The following NELL1 variants were observed in gnomAD, a reference collection of about 807,000 sequenced individuals.
The protein encoded by NELL1 is protein kinase C-binding protein NELL1.
Under a neutral mutation model 107.4 loss-of-function variants are expected in NELL1, and 76 were observed. That is an observed-to-expected ratio of 0.71 (90% CI 0.59 to 0.86). The LOEUF (loss-of-function observed/expected upper bound fraction) is 0.86, where lower values mean the gene tolerates loss of function less well. Among genes scored for constraint, NELL1 ranks in the 40% least tolerant of loss-of-function variants. The pLI is 0.00. For missense variants in NELL1, 1,024 were observed against 1,005.5 expected (o/e 1.02, Z -0.25); for synonymous variants, 353 against 341.2 (o/e 1.03, Z -0.38).
chr11:21,202,459 A>G (rs372909318), intron 13 of NELL1, among the ~76,000 whole-genome samples: 4 of 152,226 alleles, frequency 2.6e-5, no homozygotes, highest in African/African-American at 9.6e-5. Flanking sequence ...TTTCTGTGGG[A>G]TCAGTGGTGA....
rs138119927 is a variant in NELL1 at position 20,822,142 on chromosome 11, G to T, written c.336-25441G>T. Among the ~76,000 whole-genome samples the T allele has an allele frequency of 5.8e-4, 88 of 152,300 alleles. 2 individuals are homozygous for T. In the South Asian group the frequency reaches 0.017, roughly 30 times the overall value. The stretch of plus-strand genomic sequence containing the variant: ...ACTAGCAGTGAAGAGTAGACTGAGG[G>T]TCAGGGGGCATATACGAGAATGACT... On this transcript the variant is annotated intron_variant, in intron 3 of 19. Coordinates refer to ENST00000357134, the MANE Select transcript of NELL1 (RefSeq NM_006157.5).
chr11:21,423,570 C>T (rs539744235), intron 15 of NELL1, among the ~76,000 whole-genome samples: 16 of 152,146 alleles, frequency 1.1e-4, no homozygotes, highest in South Asian at 1.0e-3. Flanking sequence ...AAGGATAATA[C>T]CACCAGAATG....
chr11:21,308,609 T>C (rs4291668), intron 14 of NELL1, among the ~76,000 whole-genome samples: 149,608 of 152,120 alleles, frequency 0.98, 73,617 homozygotes, highest in South Asian at 1. Context: ...TTTGAAGGGA[T>C]GATCAGGATC....
chr11:21,358,469 C>G (rs760880951), intron 14 of NELL1, among the ~76,000 whole-genome samples: 1 of 151,516 alleles, frequency 6.6e-6, no homozygotes, highest in African/African-American at 2.4e-5. Flanking sequence ...GCATGATCTC[C>G]GCTCACTGCA....
intron 14 of NELL1, among the ~76,000 whole-genome samples, chr11:21,318,266 A>G (rs1276603369): frequency 6.6e-6 from 1 of 152,188 alleles, no homozygotes; most frequent in Non-Finnish European, 1.5e-5. Context: ...GTGTGCAGAG[A>G]TAGGACAGTA....
rs566531721 is a variant in NELL1, at chr11:21,350,843, A to G, written c.1550-20010A>G. Among the ~76,000 whole-genome samples the G allele has an allele frequency of 2.6e-5, 4 of 152,174 alleles. No individual in the cohort carries two copies. In the South Asian group the frequency reaches 8.3e-4, roughly 31 times the overall value. On this transcript the variant is annotated intron_variant, in intron 14 of 19. Transcript: ENST00000357134. ...CAACAAAGATTCCCTGGAGGAATAC[A>G]GGAGGGACTCTGTACTGGGTTGAAT...
chr11:21,564,871 T>C (rs776947997), intron 17 of NELL1, among the ~76,000 whole-genome samples: 14 of 151,950 alleles, frequency 9.2e-5, no homozygotes, highest in Non-Finnish European at 1.9e-4. Flanking sequence ...CTGGTTTATG[T>C]AAACCTATTC....
intron 13 of NELL1, among the ~76,000 whole-genome samples, chr11:21,219,927 A>G (rs74967177): frequency 1.3e-5 from 2 of 152,302 alleles, no homozygotes; most frequent in African/African-American, 2.4e-5. Context: ...TTATGGTCAT[A>G]GTGGAAGGTG....
chr11:21,524,116 TGTATA>T (rs908794968), intron 15 of NELL1, among the ~76,000 whole-genome samples: 29 of 152,266 alleles, frequency 1.9e-4, no homozygotes, highest in African/African-American at 6.5e-4. Context: ...TACAAGAGGC[TGTATA>T]GTATAATGAT....
At chr11:21,492,481 G>C (rs1168242231) in intron 15 of NELL1, among the ~76,000 whole-genome samples, 1 of 150,702 alleles carries the variant, frequency 6.6e-6, no homozygotes, top group African/African-American at 2.5e-5. Context: ...CAATAGCAAA[G>C]ACTTGGAACC....
intron 8 of NELL1, among the ~76,000 whole-genome samples, chr11:20,928,151 G>A (rs1259104041): frequency 1.3e-5 from 2 of 152,098 alleles, no homozygotes; most frequent in Non-Finnish European, 2.9e-5. Context: ...AGCACACATG[G>A]GCAGGTAGGA....
Position 21,220,424 on chromosome 11 carries a change from A to C in NELL1, c.1427-8908A>C, listed in dbSNP as rs370454113. ...TCATTGATATTGATATCAACATGTC[A>C]TTAATAGCTATTGCATTGAATCTGT... On this transcript the variant is annotated intron_variant, in intron 13 of 19. Coordinates refer to ENST00000357134, the MANE Select transcript of NELL1 (RefSeq NM_006157.5). 2.3e-4 allele frequency among the ~76,000 whole-genome samples: 35 copies of C among 152,230 alleles called. No individual in the cohort carries two copies. In the East Asian group the frequency reaches 2.9e-3, roughly 13 times the overall value.
At chr11:20,844,352 G>A (rs112223351) in intron 3 of NELL1, among the ~76,000 whole-genome samples, 2 of 152,160 alleles carry the variant, frequency 1.3e-5, no homozygotes, top group East Asian at 1.9e-4. Flanking sequence ...GCTGTTTTCC[G>A]ATATTTGCAG....
chr11:21,216,618 C>T (rs1009213098), intron 13 of NELL1, among the ~76,000 whole-genome samples: 4 of 152,200 alleles, frequency 2.6e-5, no homozygotes, highest in African/African-American at 9.7e-5. Context: ...CATTTTGGAA[C>T]TTAAAGGTTT....
intron 17 of NELL1, 137 bp downstream of exon 17, chr11:21,560,519 A>G (rs1398207013): frequency 2.8e-6 from 2 of 722,652 alleles, no homozygotes; most frequent in Admixed American, 6.5e-5. Context: ...TCTACATTAC[A>G]GCTAATGATG....
intron 12 of NELL1, among the ~76,000 whole-genome samples, chr11:21,023,634 T>C (rs2134305905): frequency 6.6e-6 from 1 of 152,084 alleles, no homozygotes; most frequent in East Asian, 1.9e-4. Flanking sequence ...ACTCCCTACC[T>C]AGAAAACAAC....
chr11:20,920,818 C>T (rs980990694), intron 7 of NELL1, among the ~76,000 whole-genome samples: 2 of 151,966 alleles, frequency 1.3e-5, no homozygotes, highest in Non-Finnish European at 2.9e-5. Flanking sequence ...GCTCTATTCT[C>T]AAAACGTTAT....
intron 5 of NELL1, among the ~76,000 whole-genome samples, chr11:20,889,346 T>G (rs1849571079): frequency 6.6e-6 from 1 of 152,206 alleles, no homozygotes. Flanking sequence ...GTTTTCCAAG[T>G]TTTGAGAGAA....
intron 13 of NELL1, among the ~76,000 whole-genome samples, chr11:21,144,822 C>T (rs1055805132): frequency 6.6e-6 from 1 of 152,134 alleles, no homozygotes; most frequent in African/African-American, 2.4e-5. Flanking sequence ...GGCTGACAGA[C>T]TCTGAAACCC....
Sources: gnomAD v4.1 joint callset for allele counts (sites outside exome capture counted in the v4.1 genomes callset) on GRCh38, gnomAD v4.1.1 for gene constraint, MANE v1.5 for transcripts, NCBI Gene and HGNC (gene_info 2026-07-23, HGNC 2026-07-21) for gene names.